Variants in ANK3 observed in about 807,000 individuals in gnomAD.
The protein encoded by ANK3 is ankyrin 3, also known as ankyrin-3.
A neutral mutation model predicts 370.9 loss-of-function variants in ANK3; 57 were observed. The ratio of observed to expected loss-of-function variants is 0.15; its 90% CI spans 0.12 to 0.19. The LOEUF is 0.19. Among genes scored for constraint, ANK3 ranks in the 10% least tolerant of loss-of-function variants. The pLI is 1.00. For synonymous variants in ANK3, 1,929 were observed against 1,946.3 expected, an observed-to-expected ratio of 0.99 and a Z score of 0.23; for missense variants, 4,439 against 5,302.1, an observed-to-expected ratio of 0.84 and a Z score of 5.06.
rs138333809 is a variant in ANK3 at position 60,559,123 on chromosome 10, T to TA, written c.96+56062dup. Among the ~76,000 whole-genome samples, 225 of 152,228 alleles carry TA rather than the reference T, an allele frequency of 1.5e-3. 1 individual carries two copies. Among genetic ancestry groups the TA allele is most frequent in the African/African-American group, 4.7e-3 (194 of 41,534 alleles). ...TACTATATGCTCCATGCCTTCTTTT[T>TA]AAAAAAAATTTTCAATAGGTTTTTG... is the stretch of plus-strand genomic sequence containing the variant. On this transcript the variant is annotated intron_variant, in intron 2 of 43. Transcript: ENST00000373827.
At chr10:60,693,789 A>G (rs965421002) in intron 1 of ANK3, among the ~76,000 whole-genome samples, 1 of 152,236 alleles carries the variant, frequency 6.6e-6, no homozygotes, top group African/African-American at 2.4e-5. Flanking sequence ...ATAAAACCAC[A>G]AAGATGGGGA....
At chr10:60,578,759 C>A (rs758996168) in intron 2 of ANK3, among the ~76,000 whole-genome samples, 2 of 152,120 alleles carry the variant, frequency 1.3e-5, no homozygotes, top group Admixed American at 6.5e-5. Context: ...CATATTCCAA[C>A]AACATAGAAC....
chr10:60,636,282 C>T (rs894381293), intron 1 of ANK3, among the ~76,000 whole-genome samples: 18 of 152,140 alleles, frequency 1.2e-4, no homozygotes, highest in African/African-American at 4.1e-4. Flanking sequence ...TAGATCTAAT[C>T]GTGAATATAG....
At chr10:60,648,706 G>A (rs1388377681) in intron 1 of ANK3, among the ~76,000 whole-genome samples, 1 of 149,022 alleles carries the variant, frequency 6.7e-6, no homozygotes, top group African/African-American at 2.5e-5. Context: ...GGAGGCGGAG[G>A]TTGCAGTGAG....
chr10:60,117,265 A>G (rs1250643369), intron 25 of ANK3, among the ~76,000 whole-genome samples: 1 of 152,196 alleles, frequency 6.6e-6, no homozygotes, highest in Admixed American at 6.5e-5. Flanking sequence ...AAGAGAAAAC[A>G]AAGGGAATTT....
chr10:60,313,710 C>G (rs1299850063), intron 1 of ANK3, among the ~76,000 whole-genome samples: 1 of 152,170 alleles, frequency 6.6e-6, no homozygotes, highest in Non-Finnish European at 1.5e-5. Context: ...TCAATATTTA[C>G]AGAAATGTTT....
intron 2 of ANK3, among the ~76,000 whole-genome samples, chr10:60,414,186 C>G (rs1360592992): frequency 6.6e-6 from 1 of 152,074 alleles, no homozygotes; most frequent in Non-Finnish European, 1.5e-5. Flanking sequence ...TTTTAAGTTA[C>G]CAGCATTTAT....
chr10:60,120,778 T>A (rs961601176), intron 25 of ANK3, among the ~76,000 whole-genome samples: 1 of 152,218 alleles, frequency 6.6e-6, no homozygotes, highest in Admixed American at 6.5e-5. Context: ...AGATATCATC[T>A]CACCTTAGTT....
At chr10:60,130,211 C>T (rs1337654396) in intron 25 of ANK3, among the ~76,000 whole-genome samples, 1 of 152,220 alleles carries the variant, frequency 6.6e-6, no homozygotes, top group Non-Finnish European at 1.5e-5. Context: ...ACCTCTCCCA[C>T]TCCCCTCCCC....
chr10:60,596,048 G>A (rs1023970665), intron 2 of ANK3, among the ~76,000 whole-genome samples: 1 of 152,042 alleles, frequency 6.6e-6, no homozygotes, highest in Non-Finnish European at 1.5e-5. Context: ...CTAACAGCAC[G>A]CCTGCAGTAT....
At chr10:60,675,145 G>A (rs867317308) in intron 1 of ANK3, among the ~76,000 whole-genome samples, 1 of 152,140 alleles carries the variant, frequency 6.6e-6, no homozygotes, top group Non-Finnish European at 1.5e-5. Flanking sequence ...CAAGTTTTAT[G>A]TTTTTACATA....
At chr10:60,461,269 A>T (rs141723891) in intron 2 of ANK3, among the ~76,000 whole-genome samples, 2 of 152,176 alleles carry the variant, frequency 1.3e-5, no homozygotes, top group Non-Finnish European at 2.9e-5. Flanking sequence ...CTAAACCACA[A>T]TCAATGAATG....
At chr10:60,608,142 G>C (rs2078152603) in intron 2 of ANK3, among the ~76,000 whole-genome samples, 2 of 152,130 alleles carry the variant, frequency 1.3e-5, no homozygotes, top group African/African-American at 4.8e-5. Context: ...TCCATAAATT[G>C]AAAGTAATCA....
At chr10:60,725,021 G>T (rs976218762) in intron 1 of ANK3, among the ~76,000 whole-genome samples, 2 of 152,026 alleles carry the variant, frequency 1.3e-5, no homozygotes, top group African/African-American at 4.8e-5. Flanking sequence ...CCATGCTCTG[G>T]ATCCCACGCA....
intron 1 of ANK3, among the ~76,000 whole-genome samples, chr10:60,687,527 T>TAA (rs143949141): frequency 1.4e-5 from 2 of 146,804 alleles, no homozygotes; most frequent in South Asian, 2.1e-4. Context: ...TAGGCTGGTA[T>TAA]AAAAAAAAAC....
chr10:60,582,998 T>C (rs2077776330), intron 2 of ANK3, among the ~76,000 whole-genome samples: 1 of 152,186 alleles, frequency 6.6e-6, no homozygotes, highest in South Asian at 2.1e-4. Context: ...GATCCAACAA[T>C]CCCACTACTA....
Position 60,368,845 on chromosome 10 carries a change from C to T in ANK3, c.114+20580G>A, listed in dbSNP as rs932337281. 2.6e-5 allele frequency among the ~76,000 whole-genome samples: 4 copies of T among 152,252 alleles called. No individual in the cohort carries two copies. In the East Asian group the frequency reaches 7.7e-4, roughly 29 times the overall value. On this transcript the variant is annotated intron_variant, in intron 1 of 43. Transcript: ENST00000280772. Reference sequence around the variant, plus strand: ...ACATAGTTTTGAAAATCCTTTTTGACATGTCAGTCTGACATATAACCTCTA... The same window carrying T: ...ACATAGTTTTGAAAATCCTTTTTGATATGTCAGTCTGACATATAACCTCTA...
intron 1 of ANK3, among the ~76,000 whole-genome samples, chr10:60,625,001 T>C (rs991495067): frequency 5.2e-4 from 79 of 151,752 alleles, no homozygotes; most frequent in African/African-American, 1.8e-3. Context: ...GCTTGAGAGG[T>C]GAAGTCTGTT....
At chr10:60,300,256 T>C in intron 1 of ANK3, 1 of 1,032,186 alleles carries the variant, frequency 9.7e-7, no homozygotes, top group Non-Finnish European at 1.3e-6. Context: ...GGCACAACTA[T>C]TCAGGGCAAA....
Sources: gnomAD v4.1 joint callset for allele counts (sites outside exome capture counted in the v4.1 genomes callset) on GRCh38, gnomAD v4.1.1 for gene constraint, MANE v1.5 for transcripts, NCBI Gene and HGNC (gene_info 2026-07-23, HGNC 2026-07-21) for gene names.